The following PTGR3 variants were observed in gnomAD, a reference collection of about 807,000 sequenced individuals.
PTGR3 encodes zinc binding alcohol dehydrogenase domain containing 2.
chr18:75,203,159 T>C, the PTGR3 span, among the ~76,000 whole-genome samples: 3 of 152,354 alleles, frequency 2.0e-5, no homozygotes, highest in South Asian at 2.1e-4. Context: ...TACCAGATGA[T>C]TATTTTCATC....
At chr18:75,201,574 C>T in the PTGR3 span, 37 of 1,614,158 alleles carry the variant, frequency 2.3e-5, 1 homozygote, top group East Asian at 6.9e-4. Flanking sequence ...ACCAGGTCTC[C>T]GCTCACACAC....
the PTGR3 span, among the ~76,000 whole-genome samples, chr18:75,204,491 T>G: frequency 6.6e-6 from 1 of 151,992 alleles, no homozygotes; most frequent in African/African-American, 2.4e-5. Context: ...CCAAACATCG[T>G]GGTTATTCGC....
chr18:75,204,602 G>A, the PTGR3 span, among the ~76,000 whole-genome samples: 1 of 152,324 alleles, frequency 6.6e-6, no homozygotes, highest in Admixed American at 6.5e-5. Context: ...GCCCGCTGCA[G>A]CCCTCAGCTC....
chr18:75,208,534 C>A, the PTGR3 span: 13 of 1,076,298 alleles, frequency 1.2e-5, no homozygotes, highest in Middle Eastern at 4.1e-4. Flanking sequence ...TTCTGGGTCC[C>A]GTCGGTTTTA....
At chr18:75,209,098 G>C in the PTGR3 span, 4 of 1,432,142 alleles carry the variant, frequency 2.8e-6, no homozygotes, top group Non-Finnish European at 2.8e-6. This position sits in a 1 kb window ranked among gnomAD's most constrained non-coding sequence, Gnocchi z 4.7. Context: ...GACGCTGGCC[G>C]GGGTCGGCCC....
chr18:75,207,602 G>T, the PTGR3 span, among the ~76,000 whole-genome samples: 2 of 151,866 alleles, frequency 1.3e-5, no homozygotes, highest in South Asian at 4.2e-4. Flanking sequence ...AGCCATTCCA[G>T]ACCAGCCCCC....
chr18:75,203,626 A>T, the PTGR3 span, among the ~76,000 whole-genome samples: 1 of 152,180 alleles, frequency 6.6e-6, no homozygotes, highest in African/African-American at 2.4e-5. Context: ...CCAGCACACC[A>T]CACAGCCTCA....
At chr18:75,202,438 G>A in the PTGR3 span, 1 of 1,129,086 alleles carries the variant, frequency 8.9e-7, no homozygotes, top group Admixed American at 2.6e-5. Flanking sequence ...CGACCCTGGA[G>A]GGGTTGCTAA....
the PTGR3 span, among the ~76,000 whole-genome samples, chr18:75,205,703 C>G: frequency 5.5e-4 from 83 of 150,176 alleles, 5 homozygotes; most frequent in Non-Finnish European, 1.5e-5. Flanking sequence ...GTCGTCCAAA[C>G]CAGACCTGCC....
chr18:75,203,642 A>AC, the PTGR3 span, among the ~76,000 whole-genome samples: 1 of 152,102 alleles, frequency 6.6e-6, no homozygotes, highest in South Asian at 2.1e-4. Context: ...CCTCAATAAC[A>AC]CCCCACACAA....
At chr18:75,204,696 G>A in the PTGR3 span, among the ~76,000 whole-genome samples, 1 of 152,128 alleles carries the variant, frequency 6.6e-6, no homozygotes, top group Non-Finnish European at 1.5e-5. Flanking sequence ...CCGGGACCGC[G>A]CAGGCCCGGC....
chr18:75,202,049 G>C, the PTGR3 span: 1 of 1,614,038 alleles, frequency 6.2e-7, no homozygotes, highest in Non-Finnish European at 8.5e-7. Flanking sequence ...ACAGTCCTCC[G>C]AGCTCTTTCA....
chr18:75,209,026 G>T, the PTGR3 span: 1 of 1,574,406 alleles, frequency 6.4e-7, no homozygotes, highest in Non-Finnish European at 8.6e-7. The surrounding 1 kb of genome is among the most constrained non-coding windows in gnomAD (Gnocchi z 4.7). Context: ...TGTCCACGAT[G>T]GCCCGGGCCC....
chr18:75,207,867 C>T, the PTGR3 span, among the ~76,000 whole-genome samples: 7 of 152,296 alleles, frequency 4.6e-5, no homozygotes, highest in South Asian at 8.3e-4. Flanking sequence ...AGAACTTACT[C>T]CTCCCTTTCG....
At chr18:75,198,100 A>G in the PTGR3 span, 1 of 152,220 alleles carries the variant, frequency 6.6e-6, no homozygotes. Context: ...GGAAGGGGTT[A>G]AAACATTACC....
chr18:75,199,109 AAG>A, the PTGR3 span: 44 of 152,776 alleles, frequency 2.9e-4, no homozygotes, highest in East Asian at 1.5e-3. Flanking sequence ...AGTTTGGGGA[AAG>A]AGAGAACATG....
chr18:75,201,583 A>G, the PTGR3 span: 4 of 1,614,156 alleles, frequency 2.5e-6, no homozygotes, highest in Non-Finnish European at 3.4e-6. Context: ...CCGCTCACAC[A>G]CATCTCGAGC....
At chr18:75,209,052 G>T in the PTGR3 span, 146 of 1,548,902 alleles carry the variant, frequency 9.4e-5, no homozygotes, top group Non-Finnish European at 6.7e-5. This position sits in a 1 kb window ranked among gnomAD's most constrained non-coding sequence, Gnocchi z 4.7. Flanking sequence ...GGCACCAGCC[G>T]CAGCATGGCC....
chr18:75,196,012 T>A, the PTGR3 span: 1 of 152,158 alleles, frequency 6.6e-6, no homozygotes. Context: ...ACCATGGACC[T>A]CCAGGGTTTC....
Sources: gnomAD v4.1 joint callset for allele counts (sites outside exome capture counted in the v4.1 genomes callset) on GRCh38, gnomAD v4.1.1 for gene constraint, Gnocchi (gnomAD v3.1) non-coding constraint, MANE v1.5 for transcripts, NCBI Gene and HGNC (gene_info 2026-07-23, HGNC 2026-07-21) for gene names.